TMEM140: variants seen among roughly 807,000 people sequenced by gnomAD.
TMEM140 encodes transmembrane protein 140.
For missense variants in TMEM140, 236 were observed against 228.5 expected (o/e 1.03, Z -0.21); for synonymous variants, 107 against 106.8 (o/e 1.00, Z -0.01).
intron 1 of TMEM140, among the ~76,000 whole-genome samples, chr7:135,148,491 T>G (rs1361576031): frequency 6.6e-6 from 1 of 152,216 alleles, no homozygotes; most frequent in Non-Finnish European, 1.5e-5. Flanking sequence ...GGCATCAACA[T>G]GTGTAGCTCT....
chr7:135,153,107 A>G (rs2117432127), intron 1 of TMEM140: 1 of 152,344 alleles, frequency 6.6e-6, no homozygotes, highest in South Asian at 2.1e-4. Flanking sequence ...CACCAGATAA[A>G]TGCAAATTAA....
Position 135,148,183 on chromosome 7 carries a change from C to G in TMEM140, c.-112C>G. 2.3e-6 allele frequency: 1 copy of G among 431,596 alleles called. No individual in the cohort carries two copies. The highest frequency in any genetic ancestry group is 4.6e-6 in the Non-Finnish European group (1 of 219,130). The allele number at this position is 431,596 out of a possible 1,614,324, so 26.7% of individuals were successfully genotyped here. ...CTTTCTGGAGTCTGACATTAGAAAG[C>G]CAGCGAGAAGGAAGATTCAAACAAC... On this transcript the variant is annotated 5_prime_UTR_variant, in exon 1 of 2. Transcript: ENST00000275767.
At chr7:135,159,587 T>G (rs1414793733) in intron 1 of TMEM140, among the ~76,000 whole-genome samples, 1 of 152,208 alleles carries the variant, frequency 6.6e-6, no homozygotes, top group Non-Finnish European at 1.5e-5. Flanking sequence ...TGACCTGGAA[T>G]CTAAATCTGC....
At chr7:135,154,134 T>C (rs1201510544) in intron 1 of TMEM140, among the ~76,000 whole-genome samples, 1 of 152,246 alleles carries the variant, frequency 6.6e-6, no homozygotes, top group Non-Finnish European at 1.5e-5. Context: ...TTGTTCATAA[T>C]AGTCCTTGAT....
chr7:135,150,289 T>G (rs536036467), intron 1 of TMEM140, among the ~76,000 whole-genome samples: 1 of 152,358 alleles, frequency 6.6e-6, no homozygotes, highest in South Asian at 2.1e-4. Context: ...CCTGACCCTA[T>G]AATCTAGTCA....
chr7:135,150,832 G>A (rs979170645), intron 1 of TMEM140, among the ~76,000 whole-genome samples: 2 of 152,090 alleles, frequency 1.3e-5, no homozygotes, highest in African/African-American at 2.4e-5. Context: ...TTCCACCCTG[G>A]GTGACAGAGC....
chr7:135,156,989 A>C (rs1042173899), intron 1 of TMEM140, among the ~76,000 whole-genome samples: 3 of 152,174 alleles, frequency 2.0e-5, no homozygotes, highest in Non-Finnish European at 4.4e-5. Flanking sequence ...CCACCACCAT[A>C]TAAGAAGTGT....
At chr7:135,162,802 T>A (rs963790799) in intron 1 of TMEM140, among the ~76,000 whole-genome samples, 1 of 152,290 alleles carries the variant, frequency 6.6e-6, no homozygotes, top group South Asian at 2.1e-4. Flanking sequence ...AAAATACACA[T>A]ATGTAAAATA....
chr7:135,152,675 G>A (rs1456398763), intron 1 of TMEM140: 1 of 152,172 alleles, frequency 6.6e-6, no homozygotes, highest in African/African-American at 2.4e-5. Context: ...ACCTTCCACT[G>A]ATCAAAGAGT....
rs1177148349 is a variant in TMEM140, at chr7:135,151,706, C to A, written c.-25+3436C>A. Among the ~76,000 whole-genome samples the A allele has an allele frequency of 1.3e-5, 2 of 152,174 alleles. No individual in the cohort carries two copies. Among genetic ancestry groups the A allele is most frequent in the African/African-American group, 4.8e-5 (2 of 41,436 alleles). On this transcript the variant is annotated intron_variant, in intron 1 of 1. Coordinates refer to ENST00000275767, the MANE Select transcript of TMEM140 (RefSeq NM_018295.5). The surrounding 1 kb of genome is among the most constrained non-coding windows in gnomAD (Gnocchi z 4.3). ...AACTTCCTTCAGTCTCACAACAGCC[C>A]ATGAGGAACGTGACAACTGATGCAT...
At position 135,149,184 on chromosome 7, in the gene TMEM140, ATTTC is replaced by A. The variant is rs1037458739; in HGVS notation, c.-25+918_-25+921del. On this transcript the variant is annotated intron_variant, in intron 1 of 1. Coordinates refer to ENST00000275767, the MANE Select transcript of TMEM140 (RefSeq NM_018295.5). ...GCTGTTTTGAATGCCTGTTTTATAA[ATTTC>A]TTTTTTTTTCATAAATGTAGCACAT... Among the ~76,000 whole-genome samples, 18 of 151,890 alleles carry A rather than the reference ATTTC, an allele frequency of 1.2e-4. 1 individual carries two copies. The highest frequency in any genetic ancestry group is 2.0e-4 in the Admixed American group (3 of 15,252).
rs1830035999 is a variant in TMEM140, at chr7:135,164,575, T to C, written c.134T>C (p.Leu45Pro). The change falls in exon 2 of 2, where the codon CTG becomes CCG. Residue 45 changes from leucine (L) to proline (P), a missense_variant. Physicochemically the swap from Leu to Pro is moderately conservative, Grantham distance 98. Transcript: ENST00000275767. ...GGCAACCTCACTGACCTGCCCAACC[T>C]GAGAATCGGCTTCTATAACTTCTGC... ...EAGNLTDLPN[L>P]RIGFYNFCLW... 6.2e-7 allele frequency: 1 copy of C among 1,614,206 alleles called. No individual in the cohort carries two copies. The highest frequency in any genetic ancestry group is 8.5e-7 in the Non-Finnish European group (1 of 1,180,016).
chr7:135,161,712 C>T lies in TMEM140; in HGVS notation c.-24-2706C>T, dbSNP rs976581737. Among the ~76,000 whole-genome samples the T allele has an allele frequency of 1.3e-5, 2 of 152,230 alleles. No homozygotes were observed. The highest frequency in any genetic ancestry group is 4.8e-5 in the African/African-American group (2 of 41,464). On this transcript the variant is annotated intron_variant, in intron 1 of 1. Coordinates refer to ENST00000275767, the MANE Select transcript of TMEM140 (RefSeq NM_018295.5). This position sits in a 1 kb window ranked among gnomAD's most constrained non-coding sequence, Gnocchi z 4.1. The stretch of plus-strand genomic sequence containing the variant: ...TCCTTCCGTAACAAGCATCATTGCT[C>T]CAAGAATCTCTCAACTACATTCAAA...
chr7:135,162,002 C>T (rs1700550128), intron 1 of TMEM140, among the ~76,000 whole-genome samples: 1 of 152,262 alleles, frequency 6.6e-6, no homozygotes, highest in South Asian at 2.1e-4. Context: ...CTCCATCAGC[C>T]AGCCTGCCCA....
Position 135,161,604 on chromosome 7 carries a change from G to A in TMEM140, c.-24-2814G>A, listed in dbSNP as rs10275532. On this transcript the variant is annotated intron_variant, in intron 1 of 1. Transcript: ENST00000275767. The surrounding 1 kb of genome is among the most constrained non-coding windows in gnomAD (Gnocchi z 4.1). ...AACCATACAAAATATGTTCCCGTCG[G>A]CAATTTTTCCCATACCATGGACTCA... 0.021 allele frequency among the ~76,000 whole-genome samples: 3,143 copies of A among 152,290 alleles called. 117 individuals carry two copies. Among genetic ancestry groups the A allele is most frequent in the African/African-American group, 0.071 (2,935 of 41,546 alleles).
At position 135,161,850 on chromosome 7, in the gene TMEM140, GT is replaced by G. The variant is rs1400955524; in HGVS notation, c.-24-2567del. ...AGCCCCTCACTCCTCCACTCTGACT[GT>G]CCCCACTGGGCTTCTCTGGAGCAGA... On this transcript the variant is annotated intron_variant, in intron 1 of 1. Coordinates refer to ENST00000275767, the MANE Select transcript of TMEM140 (RefSeq NM_018295.5). The surrounding 1 kb of genome is among the most constrained non-coding windows in gnomAD (Gnocchi z 4.1). Among the ~76,000 whole-genome samples, 2 of 152,182 alleles carry G rather than the reference GT, an allele frequency of 1.3e-5. No individual in the cohort carries two copies. Among genetic ancestry groups the G allele is most frequent in the Non-Finnish European group, 1.5e-5 (1 of 68,030 alleles).
chr7:135,162,710 G>A (rs112310328), intron 1 of TMEM140, among the ~76,000 whole-genome samples: 8 of 152,232 alleles, frequency 5.3e-5, no homozygotes, highest in African/African-American at 1.2e-4. Flanking sequence ...CACAATGTGG[G>A]GATTATGGGA....
At chr7:135,152,482 C>T (rs2348287) in intron 1 of TMEM140, among the ~76,000 whole-genome samples, 144,962 of 152,348 alleles carry the variant, frequency 0.95, 69,319 homozygotes, top group Non-Finnish European at 1. Context: ...CTAGGCCTGT[C>T]TTCTTCTCTG....
intron 1 of TMEM140, among the ~76,000 whole-genome samples, chr7:135,159,766 AAAG>A (rs1427111528): frequency 1.3e-5 from 2 of 152,250 alleles, no homozygotes; most frequent in African/African-American, 2.4e-5. Context: ...GCACTTCACA[AAAG>A]AAGAAATACA....
Sources: gnomAD v4.1 joint callset for allele counts (sites outside exome capture counted in the v4.1 genomes callset) on GRCh38, gnomAD v4.1.1 for gene constraint, Gnocchi (gnomAD v3.1) non-coding constraint, MANE v1.5 for transcripts, NCBI Gene and HGNC (gene_info 2026-07-23, HGNC 2026-07-21) for gene names.